Variants in TNFAIP8 observed in about 807,000 individuals in gnomAD.
TNFAIP8 encodes TNF alpha induced protein 8.
In TNFAIP8, 7 loss-of-function variants were observed where a neutral mutation model predicts 13.3. The observed-to-expected ratio is 0.52, with a 90% CI of 0.30 to 0.99. TNFAIP8 has a LOEUF of 0.99. TNFAIP8 is among the 50% of genes least tolerant of loss of function. TNFAIP8 has a pLI of 0.07. For synonymous variants in TNFAIP8, 94 were observed against 87.6 expected (o/e 1.07, Z -0.41); for missense variants, 258 against 236.9 (o/e 1.09, Z -0.58).
At chr5:119,352,538 C>T (rs1284514731), upstream of TNFAIP8, among the ~76,000 whole-genome samples, 1 of 152,160 alleles carries the variant, frequency 6.6e-6, no homozygotes, top group Non-Finnish European at 1.5e-5. Context: ...ATATAACATT[C>T]TTGAATGTGA....
upstream of TNFAIP8, among the ~76,000 whole-genome samples, chr5:119,351,788 C>T (rs935681667): frequency 3.6e-5 from 5 of 138,266 alleles, no homozygotes; most frequent in East Asian, 2.0e-4. Context: ...TTTTCTTTTT[C>T]TTTTTTTCTT....
In TNFAIP8 at chr5:119,394,735, T is replaced by G. The variant is rs943601617; in HGVS notation, c.*1354T>G. On this transcript the variant is annotated 3_prime_UTR_variant, in exon 2 of 2. Coordinates refer to ENST00000504771, the MANE Select transcript of TNFAIP8 (RefSeq NM_014350.4). ...GATTCTCCTGCCTCTGCCTCCCAAG[T>G]AGCTGGGATTACAGGCATGCACCAC... 4 of 151,666 alleles carry G rather than the reference T, an allele frequency of 2.6e-5. No individual in the cohort carries two copies. In the East Asian group the frequency reaches 7.7e-4, roughly 29 times the overall value. The allele number at this position is 151,666 out of a possible 1,614,324, so 9.4% of individuals were successfully genotyped here.
At chr5:119,373,458 A>G (rs2112819219) in intron 1 of TNFAIP8, among the ~76,000 whole-genome samples, 1 of 152,354 alleles carries the variant, frequency 6.6e-6, no homozygotes, top group South Asian at 2.1e-4. Flanking sequence ...GACTAGGGAT[A>G]AGTTAATACT....
intron 1 of TNFAIP8, among the ~76,000 whole-genome samples, chr5:119,342,656 T>C (rs950592729): frequency 6.6e-6 from 1 of 152,248 alleles, no homozygotes; most frequent in African/African-American, 2.4e-5. Flanking sequence ...ATTTGGCTGC[T>C]ATCTCTAGTC....
intron 1 of TNFAIP8, among the ~76,000 whole-genome samples, chr5:119,316,836 C>T (rs1398005470): frequency 1.3e-5 from 2 of 152,122 alleles, no homozygotes; most frequent in African/African-American, 2.4e-5. Context: ...TGGTAATATC[C>T]AAAGACAATT....
At chr5:119,297,495 T>C (rs893827121) in intron 1 of TNFAIP8, among the ~76,000 whole-genome samples, 2 of 152,218 alleles carry the variant, frequency 1.3e-5, no homozygotes, top group Non-Finnish European at 2.9e-5. Flanking sequence ...TTCTGTTCTT[T>C]TACATTTGCT....
intron 1 of TNFAIP8, chr5:119,333,413 G>T: frequency 7.3e-7 from 1 of 1,364,458 alleles, no homozygotes; most frequent in Non-Finnish European, 9.4e-7. Flanking sequence ...TGCCTTCTGT[G>T]CATTTATGTG....
At chr5:119,284,276 C>T (rs1748713189) in intron 1 of TNFAIP8, among the ~76,000 whole-genome samples, 1 of 152,058 alleles carries the variant, frequency 6.6e-6, no homozygotes, top group Non-Finnish European at 1.5e-5. Context: ...CAGGGGCTTG[C>T]TGGAGGGCAG....
chr5:119,278,562 G>A (rs1048703822), intron 1 of TNFAIP8, among the ~76,000 whole-genome samples: 1 of 152,120 alleles, frequency 6.6e-6, no homozygotes, highest in African/African-American at 2.4e-5. Flanking sequence ...AGCTGTGAAA[G>A]TGAGTATTGG....
intron 1 of TNFAIP8, among the ~76,000 whole-genome samples, chr5:119,301,461 G>A (rs1393214781): frequency 6.6e-6 from 1 of 152,168 alleles, no homozygotes; most frequent in Non-Finnish European, 1.5e-5. Flanking sequence ...CTCAGCAGCA[G>A]CAGCTGCTTC....
At chr5:119,281,749 A>G (rs973228896) in intron 1 of TNFAIP8, among the ~76,000 whole-genome samples, 1 of 152,202 alleles carries the variant, frequency 6.6e-6, no homozygotes, top group Non-Finnish European at 1.5e-5. Flanking sequence ...AGGTTGTTGT[A>G]TATATCATGC....
chr5:119,399,064 C>A lies in TNFAIP8; in HGVS notation c.*5683C>A, dbSNP rs114544943. ...AAAGTTCCAGCATTATTGCTCTTTT[C>A]GAATCATATGGACTTAGTGTTCTCA... is the stretch of plus-strand genomic sequence containing the variant. On this transcript the variant is annotated 3_prime_UTR_variant, in exon 2 of 2. Transcript: ENST00000504771. 2.0e-5 allele frequency: 3 copies of A among 152,198 alleles called. No homozygotes were observed. Among genetic ancestry groups the A allele is most frequent in the Non-Finnish European group, 2.9e-5 (2 of 68,044 alleles). 9.4% of individuals were successfully genotyped at this position (152,198 alleles called of 1,614,324 possible). A position where few individuals can be genotyped will look rare whatever the true frequency, so the allele number is the denominator to read the frequency against.
chr5:119,341,026 C>T (rs1750718274), intron 1 of TNFAIP8, among the ~76,000 whole-genome samples: 1 of 151,046 alleles, frequency 6.6e-6, no homozygotes, highest in South Asian at 2.1e-4. Flanking sequence ...AAAGCGGTTT[C>T]AAAGCCGTAG....
intron 1 of TNFAIP8, among the ~76,000 whole-genome samples, chr5:119,303,042 C>A (rs1158944326): frequency 6.6e-6 from 1 of 152,148 alleles, no homozygotes; most frequent in East Asian, 1.9e-4. Flanking sequence ...TTCAGCTCCT[C>A]CTCCCTGTTA....
chr5:119,299,334 C>G (rs530320856), intron 1 of TNFAIP8, among the ~76,000 whole-genome samples: 1 of 152,210 alleles, frequency 6.6e-6, no homozygotes, highest in South Asian at 2.1e-4. Context: ...CAGTCAGGAC[C>G]CTCAGCTGCA....
chr5:119,277,519 G>A (rs142759848), intron 1 of TNFAIP8, among the ~76,000 whole-genome samples: 64 of 152,200 alleles, frequency 4.2e-4, no homozygotes, highest in African/African-American at 1.4e-3. Flanking sequence ...TGTGTGTCCA[G>A]CTCTCCTCTT....
At chr5:119,300,090 G>A (rs1167856305) in intron 1 of TNFAIP8, among the ~76,000 whole-genome samples, 8 of 152,210 alleles carry the variant, frequency 5.3e-5, no homozygotes, top group Admixed American at 1.3e-4. Flanking sequence ...GCCCTGCTTC[G>A]GCTCGCGCAC....
chr5:119,352,765 G>A (rs1365185219), upstream of TNFAIP8, among the ~76,000 whole-genome samples: 2 of 151,260 alleles, frequency 1.3e-5, no homozygotes, highest in Non-Finnish European at 2.9e-5. Context: ...TTTTTCTGCT[G>A]CCCTGTGATA....
intron 1 of TNFAIP8, among the ~76,000 whole-genome samples, chr5:119,356,681 G>T (rs1751436161): frequency 6.6e-6 from 1 of 151,778 alleles, no homozygotes; most frequent in East Asian, 1.9e-4. Context: ...AAGATATGAG[G>T]GGGTCCTTGT....
Sources: allele counts gnomAD v4.1 joint callset (sites outside exome capture counted in the v4.1 genomes callset), GRCh38; gene constraint gnomAD v4.1.1; transcripts MANE v1.5; gene names NCBI Gene and HGNC (gene_info 2026-07-23, HGNC 2026-07-21).